Variants in SAMD9L observed in about 807,000 individuals in gnomAD.
The protein encoded by SAMD9L is sterile alpha motif domain containing 9 like.
In SAMD9L, 68 loss-of-function variants were observed where a neutral mutation model predicts 90.7. The ratio of observed to expected loss-of-function variants is 0.75; its 90% CI spans 0.62 to 0.92. The LOEUF (loss-of-function observed/expected upper bound fraction) is 0.92. SAMD9L is among the 40% of genes least tolerant of loss of function. SAMD9L has a pLI of 0.00. For synonymous variants in SAMD9L, 640 were observed against 630.1 expected (o/e 1.02, Z -0.23); for missense variants, 1,604 against 1,824.3 (o/e 0.88, Z 2.20).
In SAMD9L at chr7:93,132,172, C is replaced by A. The variant is rs774588113; in HGVS notation, c.3800G>T (p.Cys1267Phe). The A allele has an allele frequency of 5.0e-6, 8 of 1,613,324 alleles. No homozygotes were observed. In the East Asian group the frequency reaches 1.6e-4, roughly 31 times the overall value. The change falls in exon 5 of 5, where the codon TGC becomes TTC. Residue 1267 changes from cysteine to phenylalanine, a missense_variant. Physicochemically the swap from Cys to Phe is radical, Grantham distance 205 (BLOSUM62 -2). Around this residue, in one of 7 missense-constraint regions of SAMD9L, gnomAD observed 302 missense variants for 314.7 expected, o/e 0.96. Coordinates refer to ENST00000318238, the MANE Select transcript of SAMD9L (RefSeq NM_152703.5). ...CATATAATCAATAAAAAAGTCAAAGCACCTTTTCAGATCTGATTGTAAATT... is the reference window on the plus strand; with the variant it reads ...CATATAATCAATAAAAAAGTCAAAGAACCTTTTCAGATCTGATTGTAAATT... Reference protein sequence around the residue: ...LKNLQSDLKRCFDFFIDYMVL... With the variant: ...LKNLQSDLKRFFDFFIDYMVL...
At chr7:93,142,292 C>T (rs1792723456) in intron 4 of SAMD9L, among the ~76,000 whole-genome samples, 1 of 152,192 alleles carries the variant, frequency 6.6e-6, no homozygotes, top group African/African-American at 2.4e-5. Context: ...TGAGAACAGA[C>T]ATTTTTGCCT....
Position 93,132,776 on chromosome 7 carries a change from C to T in SAMD9L, c.3196G>A (p.Asp1066Asn), listed in dbSNP as rs1365483356. The change falls in exon 5 of 5, where the codon GAC (aspartate) becomes AAC (asparagine). Residue 1066 changes from aspartate (D) to asparagine (N), a missense_variant. Coordinates refer to ENST00000318238, the MANE Select transcript of SAMD9L (RefSeq NM_152703.5). The part of the protein sequence containing the change: ...SPLMEALQNK[D>N]IEKVLSAGSR... The stretch of plus-strand genomic sequence containing the variant: ...CCTGCACTCAAGACCTTTTCAATGT[C>T]TTTATTCTGTAAAGCTTCCATTAAT... 2 of 1,613,688 alleles carry T rather than the reference C, an allele frequency of 1.2e-6. No homozygotes were observed. The highest frequency in any genetic ancestry group is 1.1e-5 in the South Asian group (1 of 91,056).
At position 93,136,084 on chromosome 7, in the gene SAMD9L, C is replaced by CATAT. The variant is rs969275563; in HGVS notation, c.-20-97_-20-94dup. 5 of 805,424 alleles carry CATAT rather than the reference C, an allele frequency of 6.2e-6. No individual in the cohort carries two copies. In the African/African-American group the frequency reaches 8.9e-5, roughly 14 times the overall value. 49.9% of individuals were successfully genotyped at this position (805,424 alleles called of 1,614,324 possible). On this transcript the variant is annotated intron_variant, in intron 4 of 4. Transcript: ENST00000318238. ...TGTATACATTATCATACAGAAGATA[C>CATAT]ATATATATATGTATAATATTGCTAA... is the stretch of plus-strand genomic sequence containing the variant.
chr7:93,147,938 C>T (rs1792955613), intron 1 of SAMD9L, among the ~76,000 whole-genome samples: 1 of 152,174 alleles, frequency 6.6e-6, no homozygotes, highest in South Asian at 2.1e-4. Context: ...CTGCCTGCCA[C>T]AATCAGAAAC....
In SAMD9L at chr7:93,133,906, C is replaced by A; in HGVS notation, c.2066G>T (p.Arg689Leu). 1 of 1,613,786 alleles carries A rather than the reference C, an allele frequency of 6.2e-7. No homozygotes were observed. The highest frequency in any genetic ancestry group is 2.2e-5 in the East Asian group (1 of 44,874). ...GTTCCACCAGGATACTTTGCCACCT[C>A]GATAAAAGTGTTCTTCTTTTGATTT... ...FKKSKEEHFY[R>L]GGKVSWWNFY... Residue 689 changes from arginine (R) to leucine (L), a missense_variant, in exon 5 of 5, where the codon CGA (arginine) becomes CTA (leucine). This residue lies in a region of SAMD9L where 606 missense variants were observed against 717.6 expected (regional missense o/e 0.84). Transcript: ENST00000318238.
chr7:93,147,539 C>T (rs778485009), intron 1 of SAMD9L, among the ~76,000 whole-genome samples: 9 of 152,158 alleles, frequency 5.9e-5, no homozygotes, highest in Non-Finnish European at 1.2e-4. Context: ...GTGTTCTGCT[C>T]TGCAGGATTC....
intron 4 of SAMD9L, among the ~76,000 whole-genome samples, chr7:93,143,628 C>T (rs893597055): frequency 6.6e-6 from 1 of 152,334 alleles, no homozygotes; most frequent in East Asian, 1.9e-4. Flanking sequence ...TCTGTTACTA[C>T]ATCATGTGTT....
At chr7:93,140,386 A>T (rs978066170) in intron 4 of SAMD9L, among the ~76,000 whole-genome samples, 1 of 152,058 alleles carries the variant, frequency 6.6e-6, no homozygotes, top group Admixed American at 6.6e-5. Flanking sequence ...TTGCTGGACA[A>T]TGGCCCTCCA....
Position 93,130,917 on chromosome 7 carries a change from G to C in SAMD9L, c.*300C>G, listed in dbSNP as rs1792060039. 1 of 229,834 alleles carries C rather than the reference G, an allele frequency of 4.4e-6. No individual in the cohort carries two copies. The highest frequency in any genetic ancestry group is 8.3e-6 in the Non-Finnish European group (1 of 120,284). 14.2% of individuals were successfully genotyped at this position (229,834 alleles called of 1,614,324 possible). On this transcript the variant is annotated 3_prime_UTR_variant, in exon 5 of 5. Transcript: ENST00000318238. Reference sequence around the variant, plus strand: ...TATAAAAGCAATTGAGTTTAACACAGATTTTATTGCCCTATAGACAGTTAT... The same window carrying C: ...TATAAAAGCAATTGAGTTTAACACACATTTTATTGCCCTATAGACAGTTAT...
intron 4 of SAMD9L, among the ~76,000 whole-genome samples, chr7:93,140,106 A>G (rs982904269): frequency 2.6e-5 from 4 of 152,194 alleles, no homozygotes; most frequent in African/African-American, 9.6e-5. Context: ...ATGGCCCTCC[A>G]TACCCTGACT....
chr7:93,138,268 T>A (rs1224272540), intron 4 of SAMD9L, among the ~76,000 whole-genome samples: 1 of 152,202 alleles, frequency 6.6e-6, no homozygotes, highest in African/African-American at 2.4e-5. Flanking sequence ...TAAGTGTTAT[T>A]TATCTTAAGT....
At position 93,145,780 on chromosome 7, in the gene SAMD9L, T is replaced by C. The variant is rs1792867250; in HGVS notation, c.-518A>G. 1 of 152,196 alleles carries C rather than the reference T, an allele frequency of 6.6e-6. No individual in the cohort carries two copies. Among genetic ancestry groups the C allele is most frequent in the African/African-American group, 2.4e-5 (1 of 41,446 alleles). The allele number at this position is 152,196 out of a possible 1,614,324, so 9.4% of individuals were successfully genotyped here. A position where few individuals can be genotyped will look rare whatever the true frequency, so the allele number is the denominator to read the frequency against. On this transcript the variant is annotated 5_prime_UTR_variant, in exon 3 of 5. Transcript: ENST00000318238. Reference sequence around the variant, plus strand: ...AGGTAGCATCTCTTTGTGTACTTACTTCTAAGAAAATAAATAAAACTCAAA... The same window carrying C: ...AGGTAGCATCTCTTTGTGTACTTACCTCTAAGAAAATAAATAAAACTCAAA...
At chr7:93,139,246 CA>C (rs1337596491) in intron 4 of SAMD9L, among the ~76,000 whole-genome samples, 3 of 152,296 alleles carry the variant, frequency 2.0e-5, no homozygotes, top group African/African-American at 7.2e-5. Context: ...ATCTTGACAT[CA>C]ACCCACCTCT....
intron 4 of SAMD9L, among the ~76,000 whole-genome samples, chr7:93,137,710 GT>G (rs1792509112): frequency 6.8e-6 from 1 of 146,174 alleles, no homozygotes; most frequent in African/African-American, 2.5e-5. Context: ...TAATTTTTAG[GT>G]TCCTTAGGTT....
rs1562785842 is a variant in SAMD9L at position 93,131,328 on chromosome 7, T to C, written c.4644A>G (p.Val1548=). 1 of 1,613,444 alleles carries C rather than the reference T, an allele frequency of 6.2e-7. No homozygotes were observed. The highest frequency in any genetic ancestry group is 1.7e-5 in the Admixed American group (1 of 59,872). Residue 1548 remains valine, a synonymous_variant, in exon 5 of 5, where the codon GTA becomes GTG. Transcript: ENST00000318238. ...YGTEEKIKIP[V]ISVYSGPLRS... is the part of the protein sequence containing the mutation. ...TGAGTGGACCTGAATAAACAGATATTACTGGTATTTTTATTTTTTCCTCTG... is the reference window on the plus strand; with the variant it reads ...TGAGTGGACCTGAATAAACAGATATCACTGGTATTTTTATTTTTTCCTCTG...
At chr7:93,136,401 G>A (rs1792454425) in intron 4 of SAMD9L, among the ~76,000 whole-genome samples, 1 of 152,220 alleles carries the variant, frequency 6.6e-6, no homozygotes, top group Admixed American at 6.5e-5. Flanking sequence ...GAAGTGGGTT[G>A]AGGAACAGGA....
Position 93,133,837 on chromosome 7 carries a change from CT to C in SAMD9L, c.2134del (p.Arg712GlyfsTer10). The C allele has an allele frequency of 6.2e-7, 1 of 1,613,370 alleles. No individual in the cohort carries two copies. ...SENYSSDFVK[R>X]DSYEKLKDLI... ...ATCTTTAAGCTTTTCATAACTGTCC[CT>C]TTTAACAAAATCTGAAGAATAGTTT... On this transcript the variant is annotated frameshift_variant, in exon 5 of 5. Coordinates refer to ENST00000318238, the MANE Select transcript of SAMD9L (RefSeq NM_152703.5). LOFTEE classifies it high-confidence loss of function.
chr7:93,137,964 C>T (rs1395287884), intron 4 of SAMD9L, among the ~76,000 whole-genome samples: 1 of 152,008 alleles, frequency 6.6e-6, no homozygotes, highest in Admixed American at 6.6e-5. Context: ...ATATTTGCAC[C>T]AGGATGATTT....
At chr7:93,147,801 T>G (rs1386205749) in intron 1 of SAMD9L, among the ~76,000 whole-genome samples, 2 of 152,236 alleles carry the variant, frequency 1.3e-5, no homozygotes, top group East Asian at 3.8e-4. Context: ...GTAAAAGTTT[T>G]AATAACATCT....
Sources: allele counts gnomAD v4.1 joint callset (sites outside exome capture counted in the v4.1 genomes callset), GRCh38; gene constraint gnomAD v4.1.1; regional missense constraint gnomAD v4.1.1; transcripts MANE v1.5; gene names NCBI Gene and HGNC (gene_info 2026-07-23, HGNC 2026-07-21).